The following KAT6B variants were observed in gnomAD, a reference collection of about 807,000 sequenced individuals.
KAT6B encodes the protein lysine acetyltransferase 6B, also known as histone acetyltransferase KAT6B.
KAT6B carries 10 observed loss-of-function variants against 187.5 expected under a neutral mutation model. The observed-to-expected ratio is 0.05, with a 90% CI of 0.03 to 0.09. The LOEUF (loss-of-function observed/expected upper bound fraction) is 0.09. Among genes scored for constraint, KAT6B ranks in the 10% least tolerant of loss-of-function variants. The pLI is 1.00. For missense variants in KAT6B, 1,952 were observed against 2,558.9 expected (o/e 0.76, Z 5.12); for synonymous variants, 861 against 926.8 (o/e 0.93, Z 1.29).
At chr10:74,990,053 G>T (rs1031330091) in intron 13 of KAT6B, among the ~76,000 whole-genome samples, 1 of 151,730 alleles carries the variant, frequency 6.6e-6, no homozygotes, top group Non-Finnish European at 1.5e-5. Context: ...AAATTAGCTG[G>T]ATGTGGTGGC....
upstream of KAT6B, among the ~76,000 whole-genome samples, chr10:74,826,344 G>A (rs1353100208): frequency 6.6e-6 from 1 of 152,146 alleles, no homozygotes; most frequent in Non-Finnish European, 1.5e-5. Flanking sequence ...CCAGCGGTCT[G>A]TTGATTGGTA....
chr10:74,853,864 T>G (rs980776321), intron 3 of KAT6B, among the ~76,000 whole-genome samples: 1 of 149,428 alleles, frequency 6.7e-6, no homozygotes, highest in Admixed American at 6.7e-5. Flanking sequence ...CTCCTGACCT[T>G]GTGATCTGCC....
intron 2 of KAT6B, among the ~76,000 whole-genome samples, chr10:74,839,485 G>T (rs1464801434): frequency 6.6e-6 from 1 of 152,050 alleles, no homozygotes; most frequent in Non-Finnish European, 1.5e-5. Context: ...ACCCGCCTTG[G>T]CCTCCCAAAG....
intron 3 of KAT6B, among the ~76,000 whole-genome samples, chr10:74,873,347 T>G (rs933957606): frequency 2.7e-5 from 4 of 150,414 alleles, no homozygotes; most frequent in African/African-American, 9.8e-5. Context: ...TGCCTGTGGT[T>G]CCAGCTGCTC....
intron 3 of KAT6B, among the ~76,000 whole-genome samples, chr10:74,926,319 T>C (rs1848500142): frequency 6.6e-6 from 1 of 152,142 alleles, no homozygotes; most frequent in African/African-American, 2.4e-5. Context: ...CTGGGTGTGG[T>C]GGCACACGCC....
chr10:74,865,133 A>C (rs1843465288), intron 3 of KAT6B, among the ~76,000 whole-genome samples: 1 of 149,002 alleles, frequency 6.7e-6, no homozygotes, highest in African/African-American at 2.6e-5. Flanking sequence ...AATTTAATGA[A>C]ATTATGCATT....
In KAT6B at chr10:75,031,081, C is replaced by A. The variant is rs1335596591; in HGVS notation, c.*35C>A. On this transcript the variant is annotated 3_prime_UTR_variant, in exon 18 of 18. Transcript: ENST00000287239. ...GCAGTCCACAAAACCTACGGGGCAT[C>A]ACTATTGGATTGATCTGCACAAATA... 5 of 1,611,142 alleles carry A rather than the reference C, an allele frequency of 3.1e-6. No homozygotes were observed. Among genetic ancestry groups the A allele is most frequent in the Non-Finnish European group, 4.2e-6 (5 of 1,178,550 alleles).
chr10:74,976,746 T>C (rs1842189967), intron 8 of KAT6B: 4 of 305,004 alleles, frequency 1.3e-5, no homozygotes, highest in Non-Finnish European at 1.9e-5. Context: ...CTCTTCCCTC[T>C]GCTCCATTGC....
Position 74,895,706 on chromosome 10 carries a change from A to G in KAT6B, c.621+52228A>G, listed in dbSNP as rs1479172428. Among the ~76,000 whole-genome samples, 3 of 152,024 alleles carry G rather than the reference A, an allele frequency of 2.0e-5. No homozygotes were observed. The Middle Eastern group carries it at 0.01, about 517-fold the overall frequency. On this transcript the variant is annotated intron_variant, in intron 3 of 17. Coordinates refer to ENST00000287239, the MANE Select transcript of KAT6B (RefSeq NM_012330.4). ...AGGTGTGAGCTACCATGCCTAGCTA[A>G]TTTTTGTATTTTTAATAAAGATGAA...
chr10:74,975,943 A>T lies in KAT6B; in HGVS notation c.1606A>T (p.Thr536Ser). ...CSVPSLSSLT[T>S]NSQLKALFDG... The stretch of plus-strand genomic sequence containing the variant: ...TGTGCCCTCCCTGAGCAGCCTTACC[A>T]CTAACAGCCAGCTGAAGGCACTCTT... The change falls in exon 8 of 18, where the codon ACT becomes TCT. Residue 536 changes from threonine to serine, a missense_variant. Thr to Ser is a moderately conservative substitution (Grantham distance 58, BLOSUM62 1). Transcript: ENST00000287239. 1 of 1,613,970 alleles carries T rather than the reference A, an allele frequency of 6.2e-7. No individual in the cohort carries two copies. The highest frequency in any genetic ancestry group is 2.2e-5 in the East Asian group (1 of 44,870).
chr10:75,021,367 G>T (rs1435797823), intron 15 of KAT6B, 82 bp downstream of exon 15: 1 of 1,453,318 alleles, frequency 6.9e-7, no homozygotes, highest in Admixed American at 1.7e-5. Context: ...TAAGATCGTT[G>T]TCAAAAGCTT....
chr10:74,826,259 G>A (rs922567503), upstream of KAT6B, among the ~76,000 whole-genome samples: 24 of 152,292 alleles, frequency 1.6e-4, no homozygotes, highest in African/African-American at 4.8e-4. Context: ...GGGGCGGGTA[G>A]GTGGAAGTAG....
intron 1 of KAT6B, among the ~76,000 whole-genome samples, chr10:74,833,629 G>T (rs1841047875): frequency 6.6e-6 from 1 of 152,214 alleles, no homozygotes; most frequent in South Asian, 2.1e-4. Flanking sequence ...TGATGGTTCA[G>T]TTATTGTTTG....
intron 2 of KAT6B, among the ~76,000 whole-genome samples, chr10:74,839,826 G>GT (rs1190295482): frequency 1.4e-4 from 21 of 152,336 alleles, no homozygotes; most frequent in African/African-American, 4.8e-4. Flanking sequence ...TATCCTGAAA[G>GT]TGGTTGCACT....
chr10:74,986,291 G>A (rs1286383471), intron 12 of KAT6B, among the ~76,000 whole-genome samples: 1 of 152,106 alleles, frequency 6.6e-6, no homozygotes, highest in Non-Finnish European at 1.5e-5. Flanking sequence ...GAGGTACCTA[G>A]GAAATAGTTA....
Position 75,025,029 on chromosome 10 carries a change from C to T in KAT6B, c.3444C>T (p.Thr1148=). 1 of 1,614,156 alleles carries T rather than the reference C, an allele frequency of 6.2e-7. No individual in the cohort carries two copies. Among genetic ancestry groups the T allele is most frequent in the Non-Finnish European group, 8.5e-7 (1 of 1,180,028 alleles). Reference sequence around the variant, plus strand: ...TCAACAGCAGTGTAACAACAGAGACCATTTCAGAGACGACAGAAGTACTGA... The same window carrying T: ...TCAACAGCAGTGTAACAACAGAGACTATTTCAGAGACGACAGAAGTACTGA... ...RRINSSVTTE[T]ISETTEVLNE... Residue 1148 remains threonine, a synonymous_variant, in exon 17 of 18, where the codon ACC becomes ACT. Transcript: ENST00000287239.
intron 13 of KAT6B, among the ~76,000 whole-genome samples, chr10:74,993,585 G>C (rs1032617782): frequency 2.0e-5 from 3 of 152,078 alleles, no homozygotes; most frequent in African/African-American, 7.2e-5. Flanking sequence ...TTTAAATTTT[G>C]CGAGATTATA....
At chr10:75,006,721 C>T (rs1165242067) in intron 13 of KAT6B, among the ~76,000 whole-genome samples, 6 of 152,154 alleles carry the variant, frequency 3.9e-5, no homozygotes, top group African/African-American at 1.4e-4. Context: ...GGATTACAGG[C>T]ATGAGCCACT....
At chr10:74,839,611 C>T (rs1018051576) in intron 2 of KAT6B, among the ~76,000 whole-genome samples, 10 of 152,166 alleles carry the variant, frequency 6.6e-5, no homozygotes, top group Non-Finnish European at 1.2e-4. Flanking sequence ...GGGCACTTTT[C>T]CTGTGACCTC....
Sources: allele counts gnomAD v4.1 joint callset (sites outside exome capture counted in the v4.1 genomes callset), GRCh38; gene constraint gnomAD v4.1.1; transcripts MANE v1.5; gene names NCBI Gene and HGNC (gene_info 2026-07-23, HGNC 2026-07-21).